Variants in SNRNP27 observed in about 807,000 individuals in gnomAD.
SNRNP27 encodes the protein U4/U6.U5 small nuclear ribonucleoprotein 27 kDa protein.
SNRNP27 carries 22 observed loss-of-function variants against 25.1 expected under a neutral mutation model. The observed-to-expected ratio is 0.88, with a 90% confidence interval of 0.63 to 1.25. The LOEUF (loss-of-function observed/expected upper bound fraction) is 1.25. SNRNP27 is among the 50% of genes most tolerant of loss of function. The pLI is 0.00. For synonymous variants in SNRNP27, 66 were observed against 64.9 expected (o/e 1.02, Z -0.08); for missense variants, 150 against 202.3 (o/e 0.74, Z 1.57).
At chr2:69,901,552 A>C (rs1377775422) in intron 4 of SNRNP27, among the ~76,000 whole-genome samples, 1 of 152,250 alleles carries the variant, frequency 6.6e-6, no homozygotes, top group Non-Finnish European at 1.5e-5. Context: ...ACAACGGCTC[A>C]TGCCTGGGAT....
At chr2:69,894,770 C>T (rs1314700291) in intron 1 of SNRNP27, among the ~76,000 whole-genome samples, 1 of 152,136 alleles carries the variant, frequency 6.6e-6, no homozygotes, top group African/African-American at 2.4e-5. Context: ...CAACCTCCAC[C>T]TCCTGGGTTC....
intron 4 of SNRNP27, among the ~76,000 whole-genome samples, chr2:69,900,155 G>A (rs1028413050): frequency 6.6e-6 from 1 of 152,116 alleles, no homozygotes; most frequent in African/African-American, 2.4e-5. Context: ...TGGTGGAAAA[G>A]TAATTACAGT....
intron 4 of SNRNP27, among the ~76,000 whole-genome samples, chr2:69,902,563 T>G (rs1175409142): frequency 2.0e-5 from 3 of 151,838 alleles, no homozygotes; most frequent in Non-Finnish European, 2.9e-5. Flanking sequence ...TGCTGCTCCT[T>G]CTGCTGCTTT....
At chr2:69,904,031 C>T (rs1484948226) in intron 5 of SNRNP27, among the ~76,000 whole-genome samples, 2 of 151,756 alleles carry the variant, frequency 1.3e-5, no homozygotes, top group African/African-American at 4.8e-5. Context: ...CAAAATTAAA[C>T]TTCAATACTG....
intron 4 of SNRNP27, among the ~76,000 whole-genome samples, chr2:69,898,762 A>C (rs1029965577): frequency 6.6e-6 from 1 of 152,186 alleles, no homozygotes; most frequent in African/African-American, 2.4e-5. Flanking sequence ...TTGTTCTTGC[A>C]ATGGTTATGT....
chr2:69,902,658 T>A (rs1676725075), intron 4 of SNRNP27, among the ~76,000 whole-genome samples: 1 of 36,900 alleles, frequency 2.7e-5, no homozygotes, highest in Admixed American at 2.0e-4. Flanking sequence ...CTTCTGCTTC[T>A]TCTGCTGCTC....
chr2:69,899,797 A>G (rs1430050886), intron 4 of SNRNP27, among the ~76,000 whole-genome samples: 1 of 152,040 alleles, frequency 6.6e-6, no homozygotes, highest in East Asian at 1.9e-4. Flanking sequence ...TGGTATGATC[A>G]TGGCTCACTG....
Position 69,896,528 on chromosome 2 carries a change from G to A in SNRNP27, c.248G>A (p.Ser83Asn). The change falls in exon 3 of 6, where the codon AGC (serine) becomes AAC (asparagine). Residue 83 changes from serine (S) to asparagine (N), a missense_variant. By Grantham distance (46) the Ser-to-Asn change is conservative. This residue lies in a region of SNRNP27 where 142 missense variants were observed against 168.6 expected (regional missense o/e 0.84). Coordinates refer to ENST00000244227, the MANE Select transcript of SNRNP27 (RefSeq NM_006857.3). The part of the protein sequence containing the change: ...EEKKETKETK[S>N]KERQITEEDL... ...AAGAAAGAAACAAAAGAAACAAAGA[G>A]CAAAGAACGGCAGATTACTGGTAAT... 6.2e-7 allele frequency: 1 copy of A among 1,604,726 alleles called. No homozygotes were observed. Among genetic ancestry groups the A allele is most frequent in the Middle Eastern group, 1.7e-4 (1 of 6,046 alleles).
Position 69,904,653 on chromosome 2 carries a change from C to A in SNRNP27, c.*345C>A. The A allele has an allele frequency of 2.4e-6, 1 of 418,300 alleles. No homozygotes were observed. Among genetic ancestry groups the A allele is most frequent in the Non-Finnish European group, 4.2e-6 (1 of 238,808 alleles). 25.9% of individuals were successfully genotyped at this position (418,300 alleles called of 1,614,324 possible). A position where few individuals can be genotyped will look rare whatever the true frequency, so the allele number is the denominator to read the frequency against. ...TTGGAAGTAAGTTTATCCAATAAAG[C>A]AGTATTTCTACCCTTTTAGATTTGA... On this transcript the variant is annotated 3_prime_UTR_variant, in exon 6 of 6. Transcript: ENST00000244227.
At chr2:69,897,595 G>A (rs903303981) in intron 4 of SNRNP27, 139 bp downstream of exon 4, 4 of 670,788 alleles carry the variant, frequency 6.0e-6, no homozygotes, top group Non-Finnish European at 1.0e-5. Flanking sequence ...GAATACAAAG[G>A]AGGAAACAGT....
Position 69,902,331 on chromosome 2 carries a change from C to CGCTGCTGCT in SNRNP27, c.349-840_349-832dup, listed in dbSNP as rs754085689. Among the ~76,000 whole-genome samples the CGCTGCTGCT allele has an allele frequency of 5.3e-5, 8 of 151,404 alleles. No homozygotes were observed. In the East Asian group the frequency reaches 1.4e-3, roughly 26 times the overall value. On this transcript the variant is annotated intron_variant, in intron 4 of 5. Transcript: ENST00000244227. ...CTCCTCCTCCTCCTTCCTCTACTTCCGCTGCTGCTGCTGCTGCTCTTGCTG... is the reference window on the plus strand; with the variant it reads ...CTCCTCCTCCTCCTTCCTCTACTTCCGCTGCTGCTGCTGCTGCTGCTGCTGCTCTTGCTG...
chr2:69,901,921 T>C (rs1330713286), intron 4 of SNRNP27, among the ~76,000 whole-genome samples: 1 of 152,226 alleles, frequency 6.6e-6, no homozygotes, highest in Admixed American at 6.5e-5. Flanking sequence ...GAGAATATTA[T>C]TAGCTAAGGT....
At chr2:69,894,952 A>T (rs1573387451) in intron 1 of SNRNP27, 142 bp from the exon 2 acceptor site, 1 of 1,180,582 alleles carries the variant, frequency 8.5e-7, no homozygotes, top group African/African-American at 1.5e-5. Context: ...TGCTGGGATT[A>T]CAGGCGTGAG....
intron 4 of SNRNP27, among the ~76,000 whole-genome samples, chr2:69,902,148 G>A (rs1403203440): frequency 6.6e-6 from 1 of 152,174 alleles, no homozygotes; most frequent in Non-Finnish European, 1.5e-5. Context: ...CCACTTGGGA[G>A]CTCATAGGAT....
chr2:69,904,077 T>C (rs891068862), intron 5 of SNRNP27, among the ~76,000 whole-genome samples, 177 bp from the exon 6 acceptor site: 1 of 152,132 alleles, frequency 6.6e-6, no homozygotes, highest in Non-Finnish European at 1.5e-5. Flanking sequence ...AAGTCTTTGG[T>C]TTATTTTGAA....
At chr2:69,894,304 C>G (rs1318318265) in intron 1 of SNRNP27, among the ~76,000 whole-genome samples, 3 of 152,168 alleles carry the variant, frequency 2.0e-5, no homozygotes, top group Non-Finnish European at 2.9e-5. Flanking sequence ...AATTAGACCT[C>G]AGTTCCTTTG....
chr2:69,898,775 G>A (rs1015130870), intron 4 of SNRNP27, among the ~76,000 whole-genome samples: 4 of 152,146 alleles, frequency 2.6e-5, no homozygotes, highest in African/African-American at 4.8e-5. Context: ...GGTTATGTGA[G>A]CTCTGTTTTG....
chr2:69,896,414 C>T, intron 2 of SNRNP27, 22 bp from the exon 3 acceptor site: 2 of 1,607,454 alleles, frequency 1.2e-6, no homozygotes, highest in Non-Finnish European at 1.7e-6. Flanking sequence ...CTGTTTCTAA[C>T]ATCTTTGCTT....
chr2:69,896,416 T>C lies in SNRNP27; in HGVS notation c.156-20T>C. The C allele has an allele frequency of 3.1e-6, 5 of 1,608,450 alleles. No homozygotes were observed. Among genetic ancestry groups the C allele is most frequent in the Non-Finnish European group, 4.2e-6 (5 of 1,176,878 alleles). ...TTGATATGTCTGTCTGTTTCTAACA[T>C]CTTTGCTTATAAATATTAGATCTCC... On this transcript the variant is annotated intron_variant, in intron 2 of 5. Coordinates refer to ENST00000244227, the MANE Select transcript of SNRNP27 (RefSeq NM_006857.3).
Sources: allele counts gnomAD v4.1 joint callset (sites outside exome capture counted in the v4.1 genomes callset), GRCh38; gene constraint gnomAD v4.1.1; regional missense constraint gnomAD v4.1.1; transcripts MANE v1.5; gene names NCBI Gene and HGNC (gene_info 2026-07-23, HGNC 2026-07-21).